Variants in PHIP observed in about 807,000 individuals in gnomAD.
The protein encoded by PHIP is PHIP subunit of CUL4-Ring ligase complex, also known as PH-interacting protein.
Under a neutral mutation model 236.8 loss-of-function variants are expected in PHIP, and 54 were observed. The ratio of observed to expected loss-of-function variants is 0.23; its 90% CI spans 0.18 to 0.29. The LOEUF is 0.29. PHIP is among the 10% of genes least tolerant of loss of function. The pLI is 1.00. For missense variants in PHIP, 1,370 were observed against 2,190.8 expected, an observed-to-expected ratio of 0.63 and a Z score of 7.48; for synonymous variants, 756 against 718.9, an observed-to-expected ratio of 1.05 and a Z score of -0.83.
chr6:78,940,416 A>G lies in PHIP; in HGVS notation c.*277T>C, dbSNP rs1562108709. 6.5e-6 allele frequency: 1 copy of G among 154,048 alleles called. No homozygotes were observed. Among genetic ancestry groups the G allele is most frequent in the African/African-American group, 2.4e-5 (1 of 41,342 alleles). The allele number at this position is 154,048 out of a possible 1,614,324, so 9.5% of individuals were successfully genotyped here. A position where few individuals can be genotyped will look rare whatever the true frequency, so the allele number is the denominator to read the frequency against. On this transcript the variant is annotated 3_prime_UTR_variant, in exon 40 of 40. Coordinates refer to ENST00000275034, the MANE Select transcript of PHIP (RefSeq NM_017934.7). ...TAGATCAATTTCTTTCGTTTCAAAC[A>G]GTGAATGAAATGAATGTGAAAATGC...
intron 35 of PHIP, among the ~76,000 whole-genome samples, chr6:78,950,691 C>G (rs980960115): frequency 2.0e-5 from 3 of 151,840 alleles, no homozygotes; most frequent in African/African-American, 7.2e-5. Context: ...CAGTGATATG[C>G]TCTATATCAT....
At chr6:79,024,682 G>A (rs1771300848) in intron 9 of PHIP, among the ~76,000 whole-genome samples, 2 of 152,156 alleles carry the variant, frequency 1.3e-5, no homozygotes, top group South Asian at 2.1e-4. Flanking sequence ...GCGGGCGCCT[G>A]TAGTCCCAGC....
intron 9 of PHIP, among the ~76,000 whole-genome samples, chr6:79,022,648 T>C (rs1771177342): frequency 6.6e-6 from 1 of 152,326 alleles, no homozygotes; most frequent in Middle Eastern, 3.4e-3. Context: ...ATGCATATTT[T>C]AGGATTCCTA....
chr6:79,047,147 A>T (rs1484793165), intron 6 of PHIP, among the ~76,000 whole-genome samples: 1 of 152,192 alleles, frequency 6.6e-6, no homozygotes, highest in African/African-American at 2.4e-5. Context: ...CATTTGCAGC[A>T]AATCATTCAG....
At chr6:79,069,303 A>G (rs962116976) in intron 4 of PHIP, among the ~76,000 whole-genome samples, 3 of 151,450 alleles carry the variant, frequency 2.0e-5, no homozygotes, top group Admixed American at 6.6e-5. Flanking sequence ...CCAAGCTTAC[A>G]ATTATAAATC....
At chr6:78,995,522 CTA>C (rs1419514544) in intron 19 of PHIP, among the ~76,000 whole-genome samples, 1 of 152,232 alleles carries the variant, frequency 6.6e-6, no homozygotes, top group East Asian at 1.9e-4. Context: ...TACATCCTCT[CTA>C]GCATTTGGTG....
intron 9 of PHIP, among the ~76,000 whole-genome samples, chr6:79,022,502 G>A (rs993613392): frequency 1.3e-5 from 2 of 151,992 alleles, no homozygotes; most frequent in African/African-American, 4.8e-5. Context: ...TCCCTTATCT[G>A]CCCCAGAGAT....
chr6:78,957,025 T>C (rs1191349208), intron 32 of PHIP: 2 of 152,040 alleles, frequency 1.3e-5, no homozygotes, highest in African/African-American at 4.8e-5. Context: ...TTGAAGACTA[T>C]CTGCTAAAAA....
At chr6:79,026,798 T>C (rs1200776798) in intron 7 of PHIP, among the ~76,000 whole-genome samples, 1 of 151,854 alleles carries the variant, frequency 6.6e-6, no homozygotes, top group Non-Finnish European at 1.5e-5. Context: ...ATTCCCATTT[T>C]ATATAGCCAA....
intron 21 of PHIP, among the ~76,000 whole-genome samples, chr6:78,985,695 TA>T (rs1768820995): frequency 6.6e-6 from 1 of 152,082 alleles, no homozygotes; most frequent in Admixed American, 6.5e-5. Context: ...CACAAAAAAT[TA>T]GCTGGGAATG....
intron 35 of PHIP, among the ~76,000 whole-genome samples, chr6:78,953,202 T>C (rs1469636721): frequency 1.3e-5 from 2 of 152,166 alleles, no homozygotes; most frequent in African/African-American, 4.8e-5. Context: ...GGGGAAACAT[T>C]CTTTGTTGTG....
At position 79,027,306 on chromosome 6, in the gene PHIP, C is replaced by T. The variant is rs376976237; in HGVS notation, c.601-1142G>A. Among the ~76,000 whole-genome samples the T allele has an allele frequency of 2.8e-4, 43 of 152,224 alleles. No homozygotes were observed. In the East Asian group the frequency reaches 4.3e-3, roughly 15 times the overall value. ...CCCCAATTAACGATAAAACCAGTTCCTCTGATTAAGCTTTGGAGTAAAATA... is the reference window on the plus strand; with the variant it reads ...CCCCAATTAACGATAAAACCAGTTCTTCTGATTAAGCTTTGGAGTAAAATA... On this transcript the variant is annotated intron_variant, in intron 7 of 39. Transcript: ENST00000275034.
intron 4 of PHIP, among the ~76,000 whole-genome samples, chr6:79,067,504 T>C (rs1449098459): frequency 1.3e-5 from 2 of 152,246 alleles, no homozygotes; most frequent in Admixed American, 6.5e-5. Flanking sequence ...TCAGCAAACA[T>C]TTGTAACCAT....
Position 79,024,836 on chromosome 6 carries a change from A to G in PHIP, c.923+683T>C, listed in dbSNP as rs183132442. ...AAATAAATAAATAAATAAATAAAAG[A>G]TATGGTATAGAAAGCATCAAAGGGC... On this transcript the variant is annotated intron_variant, in intron 9 of 39. Coordinates refer to ENST00000275034, the MANE Select transcript of PHIP (RefSeq NM_017934.7). Among the ~76,000 whole-genome samples the G allele has an allele frequency of 6.8e-4, 103 of 152,164 alleles. 1 individual carries two copies. The South Asian group carries it at 8.5e-3, about 13-fold the overall frequency.
At position 78,988,874 on chromosome 6, in the gene PHIP, T is replaced by C. The variant is rs538417406; in HGVS notation, c.2320-525A>G. 1.3e-4 allele frequency among the ~76,000 whole-genome samples: 20 copies of C among 152,220 alleles called. No individual in the cohort carries two copies. The East Asian group carries it at 3.5e-3, about 26-fold the overall frequency. On this transcript the variant is annotated intron_variant, in intron 20 of 39. Coordinates refer to ENST00000275034, the MANE Select transcript of PHIP (RefSeq NM_017934.7). ...ATAATGGGCTATGAGGCATATGTAA[T>C]AGGCAGAGGCAAATTGGAAACCAAA...
Position 78,952,193 on chromosome 6 carries a change from G to T in PHIP, c.4053+2621C>A, listed in dbSNP as rs532243352. 1.4e-3 allele frequency among the ~76,000 whole-genome samples: 211 copies of T among 152,208 alleles called. 1 individual carries two copies. Among genetic ancestry groups the T allele is most frequent in the African/African-American group, 4.9e-3 (203 of 41,536 alleles). ...CCAGCACTTTGGGGAGGCTGAGGCA[G>T]GCAGATCACAAGGTCAAGAGATTGA... On this transcript the variant is annotated intron_variant, in intron 35 of 39. Coordinates refer to ENST00000275034, the MANE Select transcript of PHIP (RefSeq NM_017934.7).
chr6:79,020,165 T>G (rs535858971), intron 9 of PHIP, among the ~76,000 whole-genome samples: 2 of 151,698 alleles, frequency 1.3e-5, no homozygotes, highest in African/African-American at 4.9e-5. Flanking sequence ...GTTTTGCCTT[T>G]TTTTTAAAAA....
At chr6:79,006,555 CG>C (rs1360200478) in intron 15 of PHIP, among the ~76,000 whole-genome samples, 1 of 151,810 alleles carries the variant, frequency 6.6e-6, no homozygotes, top group African/African-American at 2.4e-5. Context: ...TCTTCAAAAA[CG>C]AAAAGAAAAT....
At chr6:78,989,506 C>T (rs1769079077) in intron 20 of PHIP, among the ~76,000 whole-genome samples, 1 of 152,146 alleles carries the variant, frequency 6.6e-6, no homozygotes, top group Admixed American at 6.5e-5. Context: ...CTCAATTAGA[C>T]ATCCTTGAAA....
Sources: gnomAD v4.1 joint callset for allele counts (sites outside exome capture counted in the v4.1 genomes callset) on GRCh38, gnomAD v4.1.1 for gene constraint, MANE v1.5 for transcripts, NCBI Gene and HGNC (gene_info 2026-07-23, HGNC 2026-07-21) for gene names.